LARGE1: variants seen among roughly 807,000 people sequenced by gnomAD.
LARGE1 encodes the protein LARGE xylosyl- and glucuronyltransferase 1, also known as xylosyl- and glucuronyltransferase LARGE1.
In LARGE1, 43 loss-of-function variants were observed where a neutral mutation model predicts 87.6. The observed-to-expected ratio is 0.49, with a 90% CI of 0.38 to 0.63. The LOEUF (loss-of-function observed/expected upper bound fraction) is 0.63. Ranked by LOEUF, LARGE1 falls within the 30% of genes least tolerant of loss-of-function variation. LARGE1 has a pLI of 0.00. For missense variants in LARGE1, 802 were observed against 1,000.2 expected, an observed-to-expected ratio of 0.80 and a Z score of 2.67; for synonymous variants, 434 against 394.6, an observed-to-expected ratio of 1.10 and a Z score of -1.18.
intron 6 of LARGE1, among the ~76,000 whole-genome samples, chr22:33,516,777 G>C (rs1277656999): frequency 6.6e-6 from 1 of 151,976 alleles, no homozygotes; most frequent in African/African-American, 2.4e-5. Context: ...GTAGAGATGG[G>C]GTCTCACCAT....
At chr22:33,665,302 T>G (rs75193855) in intron 2 of LARGE1, among the ~76,000 whole-genome samples, 7,668 of 152,316 alleles carry the variant, frequency 0.05, 301 homozygotes, top group East Asian at 0.17. Flanking sequence ...CTCCACCTCA[T>G]GAACACAAGT....
At chr22:33,632,913 G>C (rs1426224651) in intron 3 of LARGE1, among the ~76,000 whole-genome samples, 1 of 152,108 alleles carries the variant, frequency 6.6e-6, no homozygotes, top group African/African-American at 2.4e-5. Context: ...GCAATGCTAA[G>C]GCTTCCACTA....
At chr22:33,442,800 T>C (rs1406649519) in intron 6 of LARGE1, among the ~76,000 whole-genome samples, 8 of 151,680 alleles carry the variant, frequency 5.3e-5, no homozygotes, top group Non-Finnish European at 1.2e-4. Flanking sequence ...ATAGCTTTTT[T>C]TTTTTTTTTT....
chr22:33,731,225 G>C (rs563249754), intron 2 of LARGE1, among the ~76,000 whole-genome samples: 1 of 151,274 alleles, frequency 6.6e-6, no homozygotes, highest in East Asian at 2.0e-4. Context: ...CGATGGTCTC[G>C]ATCTCCTGAA....
intron 6 of LARGE1, among the ~76,000 whole-genome samples, chr22:33,458,361 C>T (rs2068228820): frequency 6.6e-6 from 1 of 152,098 alleles, no homozygotes; most frequent in Non-Finnish European, 1.5e-5. Flanking sequence ...GCCTTGGCCT[C>T]CCAAAGTGCT....
At chr22:33,629,654 G>A (rs750309096) in intron 3 of LARGE1, among the ~76,000 whole-genome samples, 2 of 152,166 alleles carry the variant, frequency 1.3e-5, no homozygotes, top group African/African-American at 2.4e-5. Flanking sequence ...AAAGATAAAC[G>A]ATCCTTGAAA....
intron 1 of LARGE1, among the ~76,000 whole-genome samples, chr22:33,824,129 G>T (rs1025814953): frequency 6.6e-6 from 1 of 152,158 alleles, no homozygotes; most frequent in African/African-American, 2.4e-5. Flanking sequence ...ATTGAGTTTT[G>T]CTAACATTTT....
At chr22:33,534,375 A>G (rs978234936) in intron 6 of LARGE1, among the ~76,000 whole-genome samples, 1 of 151,736 alleles carries the variant, frequency 6.6e-6, no homozygotes, top group African/African-American at 2.4e-5. Flanking sequence ...CTGCACTCCA[A>G]CCTGGGCGAC....
intron 11 of LARGE1, among the ~76,000 whole-genome samples, chr22:33,194,583 T>G (rs1024865866): frequency 6.6e-6 from 1 of 152,218 alleles, no homozygotes; most frequent in Non-Finnish European, 1.5e-5. Context: ...TGACATTGAA[T>G]GTTAAGAACT....
chr22:33,310,689 T>C (rs922119004), intron 11 of LARGE1, among the ~76,000 whole-genome samples: 2 of 152,318 alleles, frequency 1.3e-5, no homozygotes, highest in South Asian at 2.1e-4. Context: ...TGCTGCATCA[T>C]AATCGGATGT....
At chr22:33,492,687 T>C (rs2069905687) in intron 6 of LARGE1, among the ~76,000 whole-genome samples, 1 of 152,216 alleles carries the variant, frequency 6.6e-6, no homozygotes, top group African/African-American at 2.4e-5. Flanking sequence ...AGCCTGCCAA[T>C]GAGCGAGTGA....
intron 1 of LARGE1, among the ~76,000 whole-genome samples, chr22:33,777,380 G>A (rs1237607587): frequency 1.3e-5 from 2 of 152,098 alleles, no homozygotes; most frequent in Non-Finnish European, 2.9e-5. Flanking sequence ...GCTCACATCT[G>A]TAATCCCAGC....
chr22:33,782,725 C>CGTG (rs1569444374), intron 1 of LARGE1, among the ~76,000 whole-genome samples: 1 of 151,764 alleles, frequency 6.6e-6, no homozygotes, highest in Non-Finnish European at 1.5e-5. Flanking sequence ...ATTAGCTGGG[C>CGTG]GTGGTGGTGC....
intron 11 of LARGE1, among the ~76,000 whole-genome samples, chr22:33,217,948 T>C (rs1925283276): frequency 6.6e-6 from 1 of 151,808 alleles, no homozygotes; most frequent in Non-Finnish European, 1.5e-5. Flanking sequence ...CTTTTTTTTT[T>C]AGATGGAGTC....
intron 11 of LARGE1, among the ~76,000 whole-genome samples, chr22:33,170,281 A>G (rs747602739): frequency 2.6e-5 from 4 of 152,148 alleles, no homozygotes; most frequent in Non-Finnish European, 4.4e-5. Flanking sequence ...AGGCAGGAGA[A>G]TCGCTTGAAC....
At chr22:33,429,439 T>C (rs1042672318) in intron 7 of LARGE1, among the ~76,000 whole-genome samples, 1 of 152,178 alleles carries the variant, frequency 6.6e-6, no homozygotes, top group Non-Finnish European at 1.5e-5. Context: ...CTGGAGGTGG[T>C]TTACGTGCTC....
chr22:33,300,354 A>G (rs1377088103), intron 12 of LARGE1, among the ~76,000 whole-genome samples: 2 of 152,182 alleles, frequency 1.3e-5, no homozygotes, highest in Non-Finnish European at 2.9e-5. Flanking sequence ...GTAACTTGTA[A>G]CTGTCATCAT....
At chr22:33,104,925 T>TTCTTTCTCTTTCTCTCTTTCTC in the LARGE1 span, among the ~76,000 whole-genome samples, 209 of 118,400 alleles carry the variant, frequency 1.8e-3, 4 homozygotes, top group East Asian at 3.9e-3. Context: ...CTTTCTTTCT[T>TTCTTTCTCTTTCTCTCTTTCTC]TCTTTCTTTC....
intron 6 of LARGE1, among the ~76,000 whole-genome samples, chr22:33,547,483 C>T (rs371584069): frequency 2.9e-4 from 44 of 152,154 alleles, no homozygotes; most frequent in African/African-American, 1.0e-3. Flanking sequence ...GTTTGGGAAC[C>T]CCTGGTCTAG....
Sources: gnomAD v4.1 joint callset for allele counts (sites outside exome capture counted in the v4.1 genomes callset) on GRCh38, gnomAD v4.1.1 for gene constraint, MANE v1.5 for transcripts, NCBI Gene and HGNC (gene_info 2026-07-23, HGNC 2026-07-21) for gene names.